LRP1B: variants seen among roughly 807,000 people sequenced by gnomAD.
LRP1B encodes low-density lipoprotein receptor-related protein 1B.
Under a neutral mutation model 556.6 loss-of-function variants are expected in LRP1B, and 217 were observed. The observed-to-expected ratio is 0.39, with a 90% CI of 0.35 to 0.44. LRP1B has a LOEUF of 0.44. Ranked by LOEUF, LRP1B falls within the 20% of genes least tolerant of loss-of-function variation. LRP1B has a pLI of 1.00. For synonymous variants in LRP1B, 2,047 were observed against 1,865.8 expected, an observed-to-expected ratio of 1.10 and a Z score of -2.50; for missense variants, 5,053 against 5,620.8, an observed-to-expected ratio of 0.90 and a Z score of 3.23.
intron 41 of LRP1B, among the ~76,000 whole-genome samples, chr2:140,645,533 C>CTTTTTTTTTT (rs36082249): frequency 1.5e-4 from 12 of 81,228 alleles, no homozygotes; most frequent in African/African-American, 1.7e-4. Context: ...TGCCAATATT[C>CTTTTTTTTTT]TTTTTTTTTT....
intron 66 of LRP1B, among the ~76,000 whole-genome samples, chr2:140,423,876 A>G (rs1183903414): frequency 6.6e-6 from 1 of 152,162 alleles, no homozygotes; most frequent in Non-Finnish European, 1.5e-5. Flanking sequence ...ATGCCCTGAA[A>G]GACATAATAT....
intron 1 of LRP1B, among the ~76,000 whole-genome samples, chr2:142,002,039 A>G (rs971100947): frequency 6.6e-6 from 1 of 152,158 alleles, no homozygotes; most frequent in African/African-American, 2.4e-5. Context: ...GAAAATAATT[A>G]CTTAACCTTA....
intron 2 of LRP1B, among the ~76,000 whole-genome samples, chr2:141,776,222 C>T (rs935413635): frequency 2.5e-5 from 3 of 119,626 alleles, no homozygotes; most frequent in African/African-American, 2.6e-5. Flanking sequence ...TCTCAGGTAA[C>T]GAAAGTGTTA....
intron 1 of LRP1B, among the ~76,000 whole-genome samples, chr2:141,994,148 T>G (rs1423824513): frequency 6.6e-6 from 1 of 152,202 alleles, no homozygotes; most frequent in East Asian, 1.9e-4. Context: ...ATGTGCCTGT[T>G]CAGAGATCAC....
chr2:140,269,539 A>T (rs1682364666), intron 86 of LRP1B, among the ~76,000 whole-genome samples: 1 of 152,030 alleles, frequency 6.6e-6, no homozygotes, highest in South Asian at 2.1e-4. Context: ...TGCTACTCTG[A>T]CAAGGTCGGG....
chr2:140,291,579 C>T (rs149856539), intron 84 of LRP1B, among the ~76,000 whole-genome samples: 5,560 of 151,506 alleles, frequency 0.037, 113 homozygotes, highest in South Asian at 0.083. Context: ...CTTGTCCTTG[C>T]GATAGTTTGC....
intron 62 of LRP1B, among the ~76,000 whole-genome samples, chr2:140,453,040 A>G (rs1686949140): frequency 1.3e-5 from 2 of 149,700 alleles, no homozygotes; most frequent in African/African-American, 4.9e-5. Flanking sequence ...GATATGAGGG[A>G]AAGCAGTTAC....
chr2:140,563,489 C>T (rs990698256), intron 43 of LRP1B, among the ~76,000 whole-genome samples: 1 of 152,118 alleles, frequency 6.6e-6, no homozygotes, highest in African/African-American at 2.4e-5. Flanking sequence ...TGACAGTTCA[C>T]AATTGTACAG....
At chr2:141,274,152 C>T (rs1263528627) in intron 3 of LRP1B, among the ~76,000 whole-genome samples, 1 of 152,126 alleles carries the variant, frequency 6.6e-6, no homozygotes, top group African/African-American at 2.4e-5. Context: ...CCCATGTTGG[C>T]AGTTCTTCAA....
At chr2:142,125,117 C>T (rs921701147) in intron 1 of LRP1B, among the ~76,000 whole-genome samples, 1 of 151,702 alleles carries the variant, frequency 6.6e-6, no homozygotes, top group Admixed American at 6.6e-5. Flanking sequence ...ATAATACATA[C>T]TTTCTAACTT....
chr2:140,884,051 C>G (rs374921060), intron 24 of LRP1B, 30 bp from the exon 25 acceptor site: 1 of 1,595,220 alleles, frequency 6.3e-7, no homozygotes, highest in Admixed American at 1.7e-5. Flanking sequence ...AACATGTGCA[C>G]CCATTCAAGG....
intron 3 of LRP1B, among the ~76,000 whole-genome samples, chr2:141,411,253 C>CAGAAACAA (rs1286966636): frequency 1.3e-5 from 2 of 151,922 alleles, no homozygotes; most frequent in African/African-American, 4.8e-5. Context: ...ATAATGAAGC[C>CAGAAACAA]ACAGAAAACC....
intron 12 of LRP1B, among the ~76,000 whole-genome samples, chr2:141,018,219 CT>C (rs1697963416): frequency 6.6e-6 from 1 of 151,980 alleles, no homozygotes; most frequent in African/African-American, 2.4e-5. Context: ...ATTTCAAGGC[CT>C]GTTTGAATGT....
At chr2:141,962,137 G>A (rs1238906913) in intron 1 of LRP1B, among the ~76,000 whole-genome samples, 1 of 151,644 alleles carries the variant, frequency 6.6e-6, no homozygotes, top group Non-Finnish European at 1.5e-5. Flanking sequence ...CAGCCTAATT[G>A]TTATCTGGAT....
intron 1 of LRP1B, among the ~76,000 whole-genome samples, chr2:142,088,340 A>G (rs1706023011): frequency 6.6e-6 from 1 of 152,176 alleles, no homozygotes; most frequent in Non-Finnish European, 1.5e-5. Flanking sequence ...ATTTAATCTG[A>G]ACACTATTAG....
At chr2:140,483,507 A>T (rs1290657856) in intron 59 of LRP1B, among the ~76,000 whole-genome samples, 7 of 150,562 alleles carry the variant, frequency 4.6e-5, no homozygotes, top group Admixed American at 2.0e-4. Flanking sequence ...GCATGAAATG[A>T]GAAGCTAAGC....
chr2:142,076,151 C>A (rs1300139413), intron 1 of LRP1B, among the ~76,000 whole-genome samples: 1 of 152,002 alleles, frequency 6.6e-6, no homozygotes, highest in Non-Finnish European at 1.5e-5. Flanking sequence ...TCTGACAAAC[C>A]ATTTTCTTAA....
chr2:141,562,266 C>G (rs62169797), intron 2 of LRP1B, among the ~76,000 whole-genome samples: 5,815 of 151,922 alleles, frequency 0.038, 166 homozygotes, highest in East Asian at 0.12. Context: ...CTAAGAGGTA[C>G]CTTTCTTTTA....
At chr2:140,671,661 A>C (rs192895839) in intron 41 of LRP1B, among the ~76,000 whole-genome samples, 2,071 of 135,902 alleles carry the variant, frequency 0.015, 42 homozygotes, top group Admixed American at 0.057. Context: ...TTTTCTCTCT[A>C]TCTCTAATCT....
Sources: allele counts gnomAD v4.1 joint callset (sites outside exome capture counted in the v4.1 genomes callset), GRCh38; gene constraint gnomAD v4.1.1; transcripts MANE v1.5; gene names NCBI Gene and HGNC (gene_info 2026-07-23, HGNC 2026-07-21).